The following PIK3C3 variants were observed in gnomAD, a reference collection of about 807,000 sequenced individuals.
PIK3C3 encodes the protein phosphatidylinositol 3-kinase catalytic subunit type 3.
A neutral mutation model predicts 126.1 loss-of-function variants in PIK3C3; 95 were observed. That is an observed-to-expected ratio of 0.75 (90% CI 0.64 to 0.89). The LOEUF is 0.89. Ranked by LOEUF, PIK3C3 falls within the 40% of genes least tolerant of loss-of-function variation. The pLI, the probability that PIK3C3 is intolerant of heterozygous loss-of-function variation, is 0.00. For synonymous variants in PIK3C3, 374 were observed against 360.0 expected (o/e 1.04, Z -0.44); for missense variants, 829 against 1,063.2 (o/e 0.78, Z 3.06).
chr18:41,975,763 G>A (rs559434311), intron 4 of PIK3C3, among the ~76,000 whole-genome samples: 32 of 149,376 alleles, frequency 2.1e-4, no homozygotes, highest in African/African-American at 7.4e-4. Flanking sequence ...GCAGTGGCAC[G>A]ATGTCAGCTC....
chr18:42,007,279 T>C (rs770361476), intron 10 of PIK3C3, among the ~76,000 whole-genome samples: 1 of 152,194 alleles, frequency 6.6e-6, no homozygotes. Context: ...CCTTGTCTTA[T>C]ACTTTTAAAA....
intron 7 of PIK3C3, among the ~76,000 whole-genome samples, chr18:41,993,785 G>A (rs1981896683): frequency 6.6e-6 from 1 of 152,094 alleles, no homozygotes; most frequent in Admixed American, 6.6e-5. Flanking sequence ...GAAGATTGCT[G>A]TAGCCCTAGA....
intron 24 of PIK3C3, among the ~76,000 whole-genome samples, chr18:42,079,998 AGTGT>A (rs71174081): frequency 0.075 from 10,268 of 137,344 alleles, 390 homozygotes; most frequent in Non-Finnish European, 0.093. Context: ...TAAGAGAGAG[AGTGT>A]GTGTGTGTGT....
At chr18:42,022,463 AC>A (rs2144423048) in intron 13 of PIK3C3, among the ~76,000 whole-genome samples, 1 of 152,244 alleles carries the variant, frequency 6.6e-6, no homozygotes, top group African/African-American at 2.4e-5. Flanking sequence ...AAGGACATGA[AC>A]TCATCCTTTT....
At chr18:42,002,588 A>G (rs953560927) in intron 9 of PIK3C3, among the ~76,000 whole-genome samples, 3 of 152,208 alleles carry the variant, frequency 2.0e-5, no homozygotes, top group Non-Finnish European at 2.9e-5. Flanking sequence ...CAAAACAAAA[A>G]TGGCTTAGCT....
chr18:42,009,174 A>G (rs929408326), intron 10 of PIK3C3, among the ~76,000 whole-genome samples: 6 of 152,206 alleles, frequency 3.9e-5, no homozygotes, highest in African/African-American at 1.4e-4. Flanking sequence ...AACTATGATA[A>G]TAGAAAATCA....
chr18:42,070,849 A>G (rs1038230577), intron 24 of PIK3C3, among the ~76,000 whole-genome samples: 1 of 152,196 alleles, frequency 6.6e-6, no homozygotes, highest in Non-Finnish European at 1.5e-5. Context: ...ATTCATAGAG[A>G]AAATAAAATA....
chr18:41,988,760 T>C (rs553734190), intron 5 of PIK3C3, among the ~76,000 whole-genome samples: 2 of 152,260 alleles, frequency 1.3e-5, no homozygotes, highest in African/African-American at 4.8e-5. Context: ...ATTCTCGTAT[T>C]TGGTACCTTT....
chr18:41,997,860 T>C (rs545870169), intron 9 of PIK3C3, among the ~76,000 whole-genome samples: 5 of 152,188 alleles, frequency 3.3e-5, no homozygotes, highest in Non-Finnish European at 7.4e-5. Context: ...AAGAGAATTA[T>C]AGAGAAAACA....
At chr18:42,056,719 A>G (rs921633577) in intron 21 of PIK3C3, among the ~76,000 whole-genome samples, 1 of 152,114 alleles carries the variant, frequency 6.6e-6, no homozygotes, top group East Asian at 1.9e-4. Context: ...CAGAGAACAC[A>G]TATTTAGTTG....
At chr18:42,031,605 T>TG (rs926892892) in intron 15 of PIK3C3, among the ~76,000 whole-genome samples, 35 of 151,926 alleles carry the variant, frequency 2.3e-4, no homozygotes, top group African/African-American at 6.3e-4. Context: ...TTAGTAAAGA[T>TG]GGGGGGGTTT....
chr18:42,068,010 C>T (rs1217108762), intron 24 of PIK3C3, among the ~76,000 whole-genome samples: 1 of 152,156 alleles, frequency 6.6e-6, no homozygotes, highest in Non-Finnish European at 1.5e-5. Flanking sequence ...TTATGAATTG[C>T]ATAATAAGGA....
At chr18:41,990,609 A>G in intron 6 of PIK3C3, 55 bp downstream of exon 6, 1 of 913,748 alleles carries the variant, frequency 1.1e-6, no homozygotes, top group East Asian at 2.5e-5. Flanking sequence ...AGGAAACATT[A>G]AAAAAATATT....
chr18:42,004,110 AT>A (rs1280067101), intron 9 of PIK3C3, among the ~76,000 whole-genome samples: 2 of 152,238 alleles, frequency 1.3e-5, no homozygotes, highest in African/African-American at 2.4e-5. Context: ...GCCAAAACAA[AT>A]TAAAAAATTC....
intron 13 of PIK3C3, among the ~76,000 whole-genome samples, chr18:42,021,809 G>A (rs1480732830): frequency 6.6e-6 from 1 of 152,094 alleles, no homozygotes; most frequent in Non-Finnish European, 1.5e-5. Context: ...GCTCTTTGGA[G>A]CATTTCAGAT....
At chr18:42,069,448 T>C (rs1166098289) in intron 24 of PIK3C3, among the ~76,000 whole-genome samples, 1 of 152,228 alleles carries the variant, frequency 6.6e-6, no homozygotes, top group Non-Finnish European at 1.5e-5. Flanking sequence ...CTCCCATATT[T>C]AGTATTTTTT....
chr18:42,012,239 T>C, intron 10 of PIK3C3, among the ~76,000 whole-genome samples: 1 of 151,474 alleles, frequency 6.6e-6, no homozygotes, highest in East Asian at 1.9e-4. Context: ...GTTATGCCTA[T>C]AGTATTAAAT....
In PIK3C3 at chr18:42,081,106, CTTTTT is replaced by C. The variant is rs774140382; in HGVS notation, c.2650-16_2650-12del. 11 of 1,455,034 alleles carry C rather than the reference CTTTTT, an allele frequency of 7.6e-6. No homozygotes were observed. Among genetic ancestry groups the C allele is most frequent in the Non-Finnish European group, 1.1e-5 (11 of 1,046,344 alleles). The allele number at this position is 1,455,034 out of a possible 1,614,324, so 90.1% of individuals were successfully genotyped here. A position where few individuals can be genotyped will look rare whatever the true frequency, so the allele number is the denominator to read the frequency against. On this transcript the variant is annotated splice_polypyrimidine_tract_variant and intron_variant, in intron 24 of 24. Coordinates refer to ENST00000262039, the MANE Select transcript of PIK3C3 (RefSeq NM_002647.4). ...TAAGTAAATTATTTTCTGTTTATTT[CTTTTT>C]AATTTTTGTAGTACTGGAGAAAATG... is the stretch of plus-strand genomic sequence containing the variant.
At chr18:41,973,313 C>T (rs1980758893) in intron 4 of PIK3C3, among the ~76,000 whole-genome samples, 1 of 151,916 alleles carries the variant, frequency 6.6e-6, no homozygotes, top group African/African-American at 2.4e-5. Flanking sequence ...TTAGTGCTTG[C>T]TTCTTAAATT....
Sources: allele counts gnomAD v4.1 joint callset (sites outside exome capture counted in the v4.1 genomes callset), GRCh38; gene constraint gnomAD v4.1.1; transcripts MANE v1.5; gene names NCBI Gene and HGNC (gene_info 2026-07-23, HGNC 2026-07-21).